The following CSMD3 variants were observed in gnomAD, a reference collection of about 807,000 sequenced individuals.
CSMD3 encodes CUB and sushi domain-containing protein 3.
Under a neutral mutation model 435.2 loss-of-function variants are expected in CSMD3, and 177 were observed. The observed-to-expected ratio is 0.41, with a 90% confidence interval of 0.36 to 0.46. The LOEUF (loss-of-function observed/expected upper bound fraction) is 0.46, where lower values mean the gene tolerates loss of function less well. Ranked by LOEUF, CSMD3 falls within the 20% of genes least tolerant of loss-of-function variation. CSMD3 has a pLI of 0.34. For synonymous variants in CSMD3, 1,656 were observed against 1,520.5 expected (o/e 1.09, Z -2.07); for missense variants, 4,265 against 4,504.6 (o/e 0.95, Z 1.52).
intron 1 of CSMD3, among the ~76,000 whole-genome samples, chr8:113,399,529 GA>G (rs766566259): frequency 1.1e-3 from 151 of 142,334 alleles, no homozygotes; most frequent in East Asian, 3.0e-3. Flanking sequence ...TTTGCTAAAT[GA>G]AAAAAAAAAA....
chr8:112,554,864 G>C (rs940248858), intron 25 of CSMD3, among the ~76,000 whole-genome samples: 4 of 151,938 alleles, frequency 2.6e-5, no homozygotes, highest in Non-Finnish European at 4.4e-5. Flanking sequence ...AAATAATTAA[G>C]AAAAGTTTCC....
At chr8:112,366,470 G>C (rs761449496) in intron 38 of CSMD3, among the ~76,000 whole-genome samples, 3 of 152,044 alleles carry the variant, frequency 2.0e-5, no homozygotes, top group Non-Finnish European at 4.4e-5. Context: ...CAATCTCGGC[G>C]CACTGCAACC....
chr8:113,414,039 CAT>C (rs1453145330), intron 1 of CSMD3, among the ~76,000 whole-genome samples: 2 of 152,080 alleles, frequency 1.3e-5, no homozygotes, highest in Non-Finnish European at 2.9e-5. Context: ...GCCACATGAA[CAT>C]ATAGAATCAA....
intron 40 of CSMD3, among the ~76,000 whole-genome samples, chr8:112,346,914 C>T (rs1448130587): frequency 1.3e-5 from 2 of 151,838 alleles, no homozygotes; most frequent in African/African-American, 4.8e-5. Flanking sequence ...CTCCTGACCT[C>T]GTGATCCGCC....
chr8:112,897,554 G>A (rs988276237), intron 10 of CSMD3, among the ~76,000 whole-genome samples: 1 of 151,090 alleles, frequency 6.6e-6, no homozygotes, highest in African/African-American at 2.4e-5. Flanking sequence ...AGAAAACTGG[G>A]CAATATAGTA....
chr8:113,392,594 T>G (rs930230238), intron 1 of CSMD3, among the ~76,000 whole-genome samples: 1 of 152,090 alleles, frequency 6.6e-6, no homozygotes, highest in Non-Finnish European at 1.5e-5. Flanking sequence ...GGCTCTGAAT[T>G]CCTCATCATT....
At chr8:113,072,231 T>C (rs1430308082) in intron 5 of CSMD3, among the ~76,000 whole-genome samples, 1 of 151,846 alleles carries the variant, frequency 6.6e-6, no homozygotes, top group African/African-American at 2.4e-5. Flanking sequence ...TCTATGTATA[T>C]AATCATATCA....
intron 45 of CSMD3, among the ~76,000 whole-genome samples, chr8:112,324,620 T>C (rs1459903286): frequency 6.6e-6 from 1 of 151,188 alleles, no homozygotes; most frequent in Non-Finnish European, 1.5e-5. Flanking sequence ...AGATGAATGA[T>C]AGCCCTAGTG....
chr8:113,215,171 A>G (rs1384979433), intron 3 of CSMD3, among the ~76,000 whole-genome samples: 1 of 151,896 alleles, frequency 6.6e-6, no homozygotes, highest in African/African-American at 2.4e-5. Flanking sequence ...TGCTTTGCTT[A>G]TAATTTTGAC....
At chr8:112,897,662 ATT>A (rs869075150) in intron 10 of CSMD3, among the ~76,000 whole-genome samples, 1 of 97,302 alleles carries the variant, frequency 1.0e-5, no homozygotes, top group African/African-American at 4.7e-5. Flanking sequence ...CTAAAATACT[ATT>A]TCTCTCTCTC....
intron 58 of CSMD3, among the ~76,000 whole-genome samples, chr8:112,284,109 A>G (rs956865439): frequency 2.6e-5 from 4 of 152,044 alleles, no homozygotes; most frequent in East Asian, 3.9e-4. Context: ...TATTATAACA[A>G]TACACACTTG....
intron 1 of CSMD3, among the ~76,000 whole-genome samples, chr8:113,330,995 G>T (rs1377065862): frequency 6.6e-6 from 1 of 151,462 alleles, no homozygotes; most frequent in Non-Finnish European, 1.5e-5. Context: ...AAAATACAAA[G>T]ACAACAGAAA....
chr8:112,931,214 AC>A (rs1324156980), intron 9 of CSMD3, among the ~76,000 whole-genome samples: 2 of 152,114 alleles, frequency 1.3e-5, no homozygotes, highest in Non-Finnish European at 2.9e-5. Context: ...AAGGTGGGGT[AC>A]TTTGTTTTTA....
At chr8:112,543,836 C>T (rs1238872992) in intron 27 of CSMD3, among the ~76,000 whole-genome samples, 1 of 152,050 alleles carries the variant, frequency 6.6e-6, no homozygotes, top group Non-Finnish European at 1.5e-5. Flanking sequence ...ACTTAATTGT[C>T]TAATGACAGA....
At position 113,299,489 on chromosome 8, in the gene CSMD3, A is replaced by G. The variant is rs75256587; in HGVS notation, c.401+15082T>C. Reference sequence around the variant, plus strand: ...TAACACAATATATTTTTTGTTTGCAATAACTTTGAAGGCATATCAAAAGCA... The same window carrying G: ...TAACACAATATATTTTTTGTTTGCAGTAACTTTGAAGGCATATCAAAAGCA... On this transcript the variant is annotated intron_variant, in intron 2 of 70. Transcript: ENST00000297405. Among the ~76,000 whole-genome samples, 42 of 152,272 alleles carry G rather than the reference A, an allele frequency of 2.8e-4. No homozygotes were observed. The East Asian group carries it at 7.0e-3, about 25-fold the overall frequency.
At chr8:112,420,681 A>C (rs1223503730) in intron 32 of CSMD3, among the ~76,000 whole-genome samples, 2 of 152,200 alleles carry the variant, frequency 1.3e-5, no homozygotes, top group Non-Finnish European at 2.9e-5. Context: ...ACAAAATTTT[A>C]CTGGCATCTA....
intron 13 of CSMD3, among the ~76,000 whole-genome samples, chr8:112,747,942 G>A (rs373984184): frequency 4.0e-5 from 5 of 124,010 alleles, no homozygotes; most frequent in African/African-American, 1.6e-4. Flanking sequence ...CCGCCTGGGC[G>A]ACAGAACAAG....
intron 1 of CSMD3, among the ~76,000 whole-genome samples, chr8:113,349,862 T>C (rs2094177806): frequency 1.3e-5 from 2 of 152,156 alleles, no homozygotes; most frequent in South Asian, 4.1e-4. Flanking sequence ...CCCGTTAAGA[T>C]ATGAAATCTA....
At position 112,573,454 on chromosome 8, in the gene CSMD3, A is replaced by T. The variant is rs1370166385; in HGVS notation, c.4042+47T>A. ...TGTGCAATGTAATTATTTAATATAC[A>T]TGCAGCACCCCAGTGTTTGGCCATT... On this transcript the variant is annotated intron_variant, in intron 24 of 70. Coordinates refer to ENST00000297405, the MANE Select transcript of CSMD3 (RefSeq NM_198123.2). The T allele has an allele frequency of 2.1e-6, 3 of 1,439,342 alleles. No homozygotes were observed. The Admixed American group carries it at 5.0e-5, about 24-fold the overall frequency. 89.2% of individuals were successfully genotyped at this position (1,439,342 alleles called of 1,614,324 possible).
Sources: allele counts gnomAD v4.1 joint callset (sites outside exome capture counted in the v4.1 genomes callset), GRCh38; gene constraint gnomAD v4.1.1; transcripts MANE v1.5; gene names NCBI Gene and HGNC (gene_info 2026-07-23, HGNC 2026-07-21).